The following ELOVL7 variants were observed in gnomAD, a reference collection of about 807,000 sequenced individuals.
ELOVL7 encodes very long chain fatty acid elongase 7.
ELOVL7 carries 27 observed loss-of-function variants against 35.7 expected under a neutral mutation model. That is an observed-to-expected ratio of 0.76 (90% CI 0.56 to 1.04). ELOVL7 has a LOEUF of 1.04. Among genes scored for constraint, ELOVL7 ranks in the 50% least tolerant of loss-of-function variants. ELOVL7 has a pLI of 0.00. For missense variants in ELOVL7, 327 were observed against 340.8 expected (o/e 0.96, Z 0.32); for synonymous variants, 113 against 114.6 (o/e 0.99, Z 0.09).
intron 7 of ELOVL7, among the ~76,000 whole-genome samples, chr5:60,762,430 A>G (rs1029510047): frequency 2.6e-5 from 4 of 152,130 alleles, no homozygotes; most frequent in Admixed American, 6.5e-5. Context: ...AAAATGCTCA[A>G]TTGTATTCAT....
intron 1 of ELOVL7, among the ~76,000 whole-genome samples, chr5:60,810,878 C>T (rs1172268287): frequency 2.6e-5 from 4 of 152,140 alleles, no homozygotes; most frequent in Admixed American, 2.6e-4. Flanking sequence ...GACTAAATAT[C>T]CATGGCATTC....
intron 1 of ELOVL7, among the ~76,000 whole-genome samples, chr5:60,827,974 C>T (rs1018242100): frequency 6.7e-6 from 1 of 148,954 alleles, no homozygotes; most frequent in African/African-American, 2.5e-5. Context: ...CCCATCTAGG[C>T]TCTGTGCTGG....
chr5:60,775,039 C>T (rs1054070669), intron 3 of ELOVL7, among the ~76,000 whole-genome samples: 11 of 152,142 alleles, frequency 7.2e-5, no homozygotes, highest in African/African-American at 2.7e-4. Context: ...GCTGGGATTA[C>T]AGGCATGAGC....
chr5:60,756,847 C>T (rs889028380), intron 8 of ELOVL7, among the ~76,000 whole-genome samples: 1 of 152,090 alleles, frequency 6.6e-6, no homozygotes, highest in Non-Finnish European at 1.5e-5. Context: ...TTTTAATAGA[C>T]ACCAATAAAA....
At chr5:60,754,961 C>T (rs961191588) in intron 8 of ELOVL7, 128 bp from the exon 9 acceptor site, 23 of 734,258 alleles carry the variant, frequency 3.1e-5, no homozygotes, top group Non-Finnish European at 4.9e-5. Flanking sequence ...ATCTTTAAAT[C>T]TAGCCTCCCT....
At chr5:60,787,243 C>A in intron 3 of ELOVL7, 91 bp downstream of exon 3, 5 of 1,114,176 alleles carry the variant, frequency 4.5e-6, no homozygotes, top group Admixed American at 2.3e-5. Context: ...GTTGCAAAGT[C>A]TCTCATTCTG....
chr5:60,833,314 T>C (rs1031360684), intron 1 of ELOVL7, among the ~76,000 whole-genome samples: 3 of 152,152 alleles, frequency 2.0e-5, no homozygotes, highest in African/African-American at 7.2e-5. Context: ...CTCAGGTCCT[T>C]TGCAGCTCAA....
intron 7 of ELOVL7, among the ~76,000 whole-genome samples, chr5:60,761,236 C>G (rs1741890612): frequency 6.6e-6 from 1 of 152,130 alleles, no homozygotes; most frequent in Non-Finnish European, 1.5e-5. Context: ...GGGTAATTAT[C>G]ACAATTCTCC....
chr5:60,757,675 C>T (rs1741628048), intron 7 of ELOVL7, 30 bp from the exon 8 acceptor site: 3 of 1,509,070 alleles, frequency 2.0e-6, no homozygotes. Flanking sequence ...TAACATGGGG[C>T]CATTGTTCCT....
intron 2 of ELOVL7, among the ~76,000 whole-genome samples, chr5:60,797,353 C>A (rs1025443265): frequency 6.6e-6 from 1 of 152,174 alleles, no homozygotes; most frequent in African/African-American, 2.4e-5. Context: ...ACCCTCCATT[C>A]TCTTTTTGCC....
chr5:60,764,690 G>T (rs1742131478), intron 6 of ELOVL7, among the ~76,000 whole-genome samples: 1 of 152,096 alleles, frequency 6.6e-6, no homozygotes, highest in African/African-American at 2.4e-5. Context: ...GAAAGCAGAA[G>T]ACTTATGATT....
intron 1 of ELOVL7, among the ~76,000 whole-genome samples, chr5:60,832,369 ATT>A (rs879262823): frequency 1.4e-5 from 2 of 146,478 alleles, no homozygotes; most frequent in African/African-American, 2.5e-5. Context: ...GGATTGATAG[ATT>A]TTTTTTTTTT....
intron 1 of ELOVL7, among the ~76,000 whole-genome samples, chr5:60,830,979 T>C (rs1447361076): frequency 2.6e-5 from 4 of 152,220 alleles, no homozygotes; most frequent in South Asian, 2.1e-4. Flanking sequence ...AATTCACATA[T>C]GGGCAAGAGA....
At chr5:60,768,303 T>C (rs1742367803) in intron 4 of ELOVL7, among the ~76,000 whole-genome samples, 1 of 152,202 alleles carries the variant, frequency 6.6e-6, no homozygotes, top group African/African-American at 2.4e-5. Context: ...TCTGAATCAG[T>C]CATTTCTAGC....
At chr5:60,779,173 C>T (rs1743085117) in intron 3 of ELOVL7, among the ~76,000 whole-genome samples, 1 of 152,204 alleles carries the variant, frequency 6.6e-6, no homozygotes, top group Admixed American at 6.5e-5. Context: ...CTGGAACTGA[C>T]TGTCTGTGGC....
intron 1 of ELOVL7, among the ~76,000 whole-genome samples, chr5:60,830,597 T>TTTTC (rs1222030369): frequency 1.4e-5 from 2 of 147,986 alleles, no homozygotes; most frequent in Admixed American, 6.7e-5. Context: ...GAGGCTTTTT[T>TTTTC]TTTCTTTCTT....
chr5:60,798,416 C>G (rs1368941504), intron 2 of ELOVL7, among the ~76,000 whole-genome samples: 1 of 152,160 alleles, frequency 6.6e-6, no homozygotes, highest in African/African-American at 2.4e-5. Context: ...AGGGCTCCTC[C>G]TCCCAATTAC....
chr5:60,753,363 G>T lies in ELOVL7; in HGVS notation c.*1261C>A, dbSNP rs926623362. Reference sequence around the variant, plus strand: ...TAAAGAAACAAAGTGTATGCCAAACGAATTTCAGTCCTTCATTACATGGTT... The same window carrying T: ...TAAAGAAACAAAGTGTATGCCAAACTAATTTCAGTCCTTCATTACATGGTT... On this transcript the variant is annotated 3_prime_UTR_variant, in exon 9 of 9. Transcript: ENST00000508821. 1 of 152,126 alleles carries T rather than the reference G, an allele frequency of 6.6e-6. No individual in the cohort carries two copies. The highest frequency in any genetic ancestry group is 6.6e-5 in the Admixed American group (1 of 15,266). The allele number at this position is 152,126 out of a possible 1,614,324, so 9.4% of individuals were successfully genotyped here.
At chr5:60,771,822 C>T (rs1323699544) in intron 4 of ELOVL7, 81 bp downstream of exon 4, 2 of 1,066,034 alleles carry the variant, frequency 1.9e-6, no homozygotes, top group Non-Finnish European at 2.7e-6. Flanking sequence ...CAAAGTTTAC[C>T]CTTATAACAG....
Sources: gnomAD v4.1 joint callset for allele counts (sites outside exome capture counted in the v4.1 genomes callset) on GRCh38, gnomAD v4.1.1 for gene constraint, MANE v1.5 for transcripts, NCBI Gene and HGNC (gene_info 2026-07-23, HGNC 2026-07-21) for gene names.